The following POC1B variants were observed in gnomAD, a reference collection of about 807,000 sequenced individuals.
POC1B encodes POC1 centriolar protein B.
A neutral mutation model predicts 60.6 loss-of-function variants in POC1B; 44 were observed. The ratio of observed to expected loss-of-function variants is 0.73; its 90% CI spans 0.57 to 0.93. The LOEUF (loss-of-function observed/expected upper bound fraction) is 0.93, where lower values mean the gene tolerates loss of function less well. Ranked by LOEUF, POC1B falls within the 40% of genes least tolerant of loss-of-function variation. The probability of loss-of-function intolerance (pLI) is 0.00; values close to 1 mark genes in which losing one functional copy is unlikely to be tolerated. For synonymous variants in POC1B, 180 were observed against 198.9 expected, an observed-to-expected ratio of 0.90 and a Z score of 0.80; for missense variants, 555 against 572.3, an observed-to-expected ratio of 0.97 and a Z score of 0.31.
intron 2 of POC1B, among the ~76,000 whole-genome samples, chr12:89,504,734 A>T (rs1471444774): frequency 6.6e-6 from 1 of 152,372 alleles, no homozygotes; most frequent in East Asian, 1.9e-4. Flanking sequence ...AAAGCAAGCC[A>T]CCAAGTGGCA....
At chr12:89,429,831 T>C (rs895724874) in intron 10 of POC1B, among the ~76,000 whole-genome samples, 12 of 152,128 alleles carry the variant, frequency 7.9e-5, no homozygotes, top group Non-Finnish European at 1.6e-4. Flanking sequence ...AAAGAAGAAA[T>C]TATATCATGT....
At chr12:89,430,856 C>T (rs77850419) in intron 10 of POC1B, among the ~76,000 whole-genome samples, 5,670 of 152,212 alleles carry the variant, frequency 0.037, 382 homozygotes, top group East Asian at 0.3. Context: ...TGTCCTGCAT[C>T]AGCTGAGCCA....
In POC1B at chr12:89,470,320, A is replaced by G. The variant is rs112482028; in HGVS notation, c.810+41T>C. On this transcript the variant is annotated intron_variant, in intron 7 of 11. Coordinates refer to ENST00000313546, the MANE Select transcript of POC1B (RefSeq NM_172240.3). ...AGAAATTTAAAATATATATTATTTT[A>G]TATTTTTATATATAAAAAGCAAGAA... The G allele has an allele frequency of 6.4e-4, 700 of 1,090,696 alleles. 4 individuals are homozygous for G. In the African/African-American group the frequency reaches 0.01, roughly 16 times the overall value. The allele number at this position is 1,090,696 out of a possible 1,614,324, so 67.6% of individuals were successfully genotyped here.
intron 10 of POC1B, among the ~76,000 whole-genome samples, chr12:89,459,408 A>T (rs1159017661): frequency 1.3e-4 from 5 of 37,404 alleles, no homozygotes; most frequent in African/African-American, 4.6e-4. Context: ...CTTAAAGTAT[A>T]AAAAAAAAAA....
the POC1B span, among the ~76,000 whole-genome samples, chr12:89,405,434 G>A: frequency 6.6e-6 from 1 of 152,198 alleles, no homozygotes; most frequent in African/African-American, 2.4e-5. Flanking sequence ...CCTGAGGCCA[G>A]GAGTTCAAGA....
chr12:89,470,453 C>G lies in POC1B; in HGVS notation c.718G>C (p.Gly240Arg). The G allele has an allele frequency of 6.2e-7, 1 of 1,606,592 alleles. No homozygotes were observed. Residue 240 changes from glycine (G) to arginine (R), a missense_variant, in exon 7 of 12, where the codon GGT becomes CGT. Physicochemically the swap from Gly to Arg is moderately radical, Grantham distance 125. Transcript: ENST00000313546. ...GAAGAAGCTGTGATGAGATAGTTAC[C>G]CGAAGGATGGAATGATATGCAATTA... ...GVNCISFHPS[G>R]NYLITASSDG...
chr12:89,467,850 T>C (rs1882742300), intron 7 of POC1B, among the ~76,000 whole-genome samples, 165 bp from the exon 8 acceptor site: 1 of 152,146 alleles, frequency 6.6e-6, no homozygotes, highest in Non-Finnish European at 1.5e-5. Context: ...AGAGTGAAGA[T>C]AATCAAAGAA....
At chr12:89,466,005 T>A (rs1054693886) in intron 9 of POC1B, among the ~76,000 whole-genome samples, 12 of 152,202 alleles carry the variant, frequency 7.9e-5, no homozygotes, top group Non-Finnish European at 2.9e-5. Flanking sequence ...CTACCGTGCA[T>A]TGCTGCTCAG....
chr12:89,436,755 A>G (rs1162141382), intron 10 of POC1B, among the ~76,000 whole-genome samples: 1 of 152,090 alleles, frequency 6.6e-6, no homozygotes, highest in African/African-American at 2.4e-5. Context: ...AACAAAAAAA[A>G]CAAGCATTCT....
intron 10 of POC1B, among the ~76,000 whole-genome samples, chr12:89,431,355 C>T (rs1881021808): frequency 6.6e-6 from 1 of 152,036 alleles, no homozygotes; most frequent in Non-Finnish European, 1.5e-5. Context: ...GAAAGATATA[C>T]AAACATCAAA....
chr12:89,482,829 C>T (rs1344833964), intron 4 of POC1B, among the ~76,000 whole-genome samples: 1 of 152,074 alleles, frequency 6.6e-6, no homozygotes, highest in Non-Finnish European at 1.5e-5. Context: ...CCACCCAAAT[C>T]TCATCTTGAA....
Position 89,464,238 on chromosome 12 carries a change from AC to A in POC1B, c.1032+2531del, listed in dbSNP as rs200923578. Reference sequence around the variant, plus strand: ...TAAAGCTTTGAAAAAAACTTAATCTACTGAATTTAGTATTTCAAAGTAAAGT... The same window carrying A: ...TAAAGCTTTGAAAAAAACTTAATCTATGAATTTAGTATTTCAAAGTAAAGT... On this transcript the variant is annotated intron_variant, in intron 9 of 11. Transcript: ENST00000313546. Among the ~76,000 whole-genome samples the A allele has an allele frequency of 1.2e-3, 178 of 152,272 alleles. 1 individual carries two copies. The highest frequency in any genetic ancestry group is 7.9e-3 in the East Asian group (41 of 5,192).
intron 2 of POC1B, among the ~76,000 whole-genome samples, chr12:89,516,372 C>T (rs1031716792): frequency 2.6e-5 from 4 of 152,100 alleles, no homozygotes; most frequent in African/African-American, 9.7e-5. Context: ...CACTAAATAC[C>T]ATTTATATGC....
chr12:89,405,281 T>C, the POC1B span, among the ~76,000 whole-genome samples: 1 of 152,232 alleles, frequency 6.6e-6, no homozygotes, highest in Non-Finnish European at 1.5e-5. Context: ...GCCTTCTTCA[T>C]TGGATGAGAT....
intron 2 of POC1B, chr12:89,501,877 C>T (rs878950659): frequency 2.5e-6 from 3 of 1,208,620 alleles, no homozygotes; most frequent in South Asian, 1.2e-5. Flanking sequence ...CCAAAGAGTA[C>T]AGAAGTTTTT....
chr12:89,440,220 G>A (rs1881454561), intron 10 of POC1B, among the ~76,000 whole-genome samples: 3 of 152,186 alleles, frequency 2.0e-5, no homozygotes, highest in Admixed American at 1.3e-4. Context: ...CTCATCTTTG[G>A]TTAGCACACT....
At chr12:89,459,581 T>C (rs1270896503) in intron 10 of POC1B, 57 bp downstream of exon 10, 8 of 1,010,842 alleles carry the variant, frequency 7.9e-6, no homozygotes, top group Non-Finnish European at 1.1e-5. Context: ...AAATGGATTA[T>C]GCCAAATGAT....
intron 4 of POC1B, among the ~76,000 whole-genome samples, chr12:89,479,287 T>G (rs1476720331): frequency 6.6e-6 from 1 of 152,182 alleles, no homozygotes; most frequent in African/African-American, 2.4e-5. Context: ...TCTAACTATA[T>G]TTAACTAGGT....
the POC1B span, among the ~76,000 whole-genome samples, chr12:89,410,747 C>G: frequency 1.3e-4 from 19 of 151,202 alleles, no homozygotes; most frequent in Non-Finnish European, 2.8e-4. Context: ...TCCTATTCAA[C>G]ATAGTATTGG....
Sources: gnomAD v4.1 joint callset for allele counts (sites outside exome capture counted in the v4.1 genomes callset) on GRCh38, gnomAD v4.1.1 for gene constraint, MANE v1.5 for transcripts, NCBI Gene and HGNC (gene_info 2026-07-23, HGNC 2026-07-21) for gene names.